Variants in CCDC141 observed in about 807,000 individuals in gnomAD.
CCDC141 encodes the protein coiled-coil domain-containing protein 141.
A neutral mutation model predicts 181.0 loss-of-function variants in CCDC141; 168 were observed. The ratio of observed to expected loss-of-function variants is 0.93; its 90% CI spans 0.82 to 1.05. The LOEUF (loss-of-function observed/expected upper bound fraction) is 1.05, where lower values mean the gene tolerates loss of function less well. CCDC141 is among the 50% of genes least tolerant of loss of function. The pLI, the probability that CCDC141 is intolerant of heterozygous loss-of-function variation, is 0.00. For synonymous variants in CCDC141, 666 were observed against 642.3 expected (o/e 1.04, Z -0.56); for missense variants, 1,902 against 1,788.5 (o/e 1.06, Z -1.14).
chr2:178,963,455 A>G lies in CCDC141; in HGVS notation c.527-1972T>C, dbSNP rs369290775. ...TCAGGTTGGGGGAACTATGGAGAACACTCAGAGACTAAGCATCTTACCAAG... is the reference window on the plus strand; with the variant it reads ...TCAGGTTGGGGGAACTATGGAGAACGCTCAGAGACTAAGCATCTTACCAAG... On this transcript the variant is annotated intron_variant, in intron 4 of 23. Coordinates refer to ENST00000443758, the MANE Select transcript of CCDC141 (RefSeq NM_173648.4). 1.1e-3 allele frequency among the ~76,000 whole-genome samples: 164 copies of G among 152,260 alleles called. 1 individual carries two copies. The highest frequency in any genetic ancestry group is 3.8e-3 in the African/African-American group (156 of 41,558).
intron 2 of CCDC141, among the ~76,000 whole-genome samples, chr2:179,010,846 C>T (rs1298071563): frequency 1.3e-5 from 2 of 152,070 alleles, no homozygotes; most frequent in Non-Finnish European, 2.9e-5. Flanking sequence ...AATGTAAATG[C>T]CTAAATGCTC....
intron 21 of CCDC141, among the ~76,000 whole-genome samples, chr2:178,849,743 A>T (rs1685086291): frequency 6.6e-6 from 1 of 152,222 alleles, no homozygotes; most frequent in Non-Finnish European, 1.5e-5. Flanking sequence ...GCTACTTAAT[A>T]CAAAGTTTAC....
chr2:178,916,116 G>A (rs1688435992), intron 7 of CCDC141, among the ~76,000 whole-genome samples: 1 of 152,132 alleles, frequency 6.6e-6, no homozygotes, highest in African/African-American at 2.4e-5. Flanking sequence ...CAGTTCTTGA[G>A]AGCATGACTT....
At chr2:179,041,414 G>C (rs1338635583) in intron 2 of CCDC141, among the ~76,000 whole-genome samples, 2 of 142,592 alleles carry the variant, frequency 1.4e-5, no homozygotes, top group Admixed American at 1.4e-4. Context: ...TTTAATGTTT[G>C]TTGGCTGCAT....
intron 2 of CCDC141, among the ~76,000 whole-genome samples, chr2:179,043,031 A>C (rs186966179): frequency 6.6e-6 from 1 of 152,324 alleles, no homozygotes; most frequent in Non-Finnish European, 1.5e-5. Context: ...TTGAAATGAT[A>C]AGGGGGATAG....
rs2154390933 is a variant in CCDC141, at chr2:179,047,389, T to C, written c.120A>G (p.Gln40=). 6.6e-7 allele frequency: 1 copy of C among 1,519,352 alleles called. No homozygotes were observed. The highest frequency in any genetic ancestry group is 8.8e-7 in the Non-Finnish European group (1 of 1,136,872). 94.1% of individuals were successfully genotyped at this position (1,519,352 alleles called of 1,614,324 possible). The part of the protein sequence containing the change: ...IAVIKCGKWV[Q]LQLAESQPNL... ...TGGGCTGTGATTCAGCCAGTTGAAG[T>C]TGTACCCATTTGCCACACTAAAAAT... Residue 40 remains glutamine, a synonymous_variant, in exon 2 of 24, where the codon CAA becomes CAG. Coordinates refer to ENST00000443758, the MANE Select transcript of CCDC141 (RefSeq NM_173648.4).
intron 17 of CCDC141, among the ~76,000 whole-genome samples, chr2:178,857,414 C>G (rs1019620568): frequency 2.0e-5 from 3 of 152,080 alleles, no homozygotes; most frequent in Admixed American, 2.0e-4. Flanking sequence ...CTTCAGAGAT[C>G]CTTCAAAAAC....
chr2:178,893,270 G>T (rs532636720), intron 8 of CCDC141, among the ~76,000 whole-genome samples: 7 of 150,490 alleles, frequency 4.7e-5, no homozygotes, highest in East Asian at 2.0e-4. Flanking sequence ...TCTGGTTCAA[G>T]AATAGACTGC....
rs961095293 is a variant in CCDC141, at chr2:178,986,633, A to G, written c.226-7958T>C. Among the ~76,000 whole-genome samples the G allele has an allele frequency of 5.1e-4, 78 of 151,918 alleles. 2 individuals are homozygous for G. The highest frequency in any genetic ancestry group is 5.9e-4 in the Admixed American group (9 of 15,268). ...CTTCAGCAAAGTCTCAGGATACAAA[A>G]TCAATGTGCAAAAATCACAAGCATT... is the stretch of plus-strand genomic sequence containing the variant. On this transcript the variant is annotated intron_variant, in intron 2 of 23. Coordinates refer to ENST00000443758, the MANE Select transcript of CCDC141 (RefSeq NM_173648.4).
intron 2 of CCDC141, chr2:179,002,566 A>G: frequency 3.1e-6 from 1 of 318,790 alleles, no homozygotes; most frequent in South Asian, 2.9e-5. Flanking sequence ...TAGGACCAAC[A>G]CACCCAAGAT....
intron 2 of CCDC141, among the ~76,000 whole-genome samples, chr2:178,993,568 C>G (rs933174082): frequency 6.6e-6 from 1 of 152,284 alleles, no homozygotes; most frequent in East Asian, 1.9e-4. Context: ...TGGGTGGGGA[C>G]ACATCCAAAC....
chr2:178,818,092 C>T, the CCDC141 span, among the ~76,000 whole-genome samples: 23 of 152,218 alleles, frequency 1.5e-4, no homozygotes, highest in Middle Eastern at 6.8e-3. Context: ...CGTGAGCCAC[C>T]GCACCTGGCC....
At chr2:178,853,995 T>G (rs1685277014) in intron 19 of CCDC141, among the ~76,000 whole-genome samples, 1 of 152,286 alleles carries the variant, frequency 6.6e-6, no homozygotes, top group East Asian at 1.9e-4. Flanking sequence ...TCCAAATACA[T>G]GCTAAATGGC....
chr2:178,891,072 C>T (rs746161238), intron 8 of CCDC141, among the ~76,000 whole-genome samples: 1 of 152,098 alleles, frequency 6.6e-6, no homozygotes, highest in African/African-American at 2.4e-5. Context: ...TTTCAAGTCT[C>T]TTTGCTACCT....
intron 12 of CCDC141, chr2:178,877,602 T>C: frequency 3.5e-6 from 1 of 282,686 alleles, no homozygotes. Context: ...AGAAGATTCA[T>C]CTTAGAAGTT....
In CCDC141 at chr2:178,944,618, A is replaced by C. The variant is rs758023806; in HGVS notation, c.814T>G (p.Leu272Val). The C allele has an allele frequency of 2.0e-6, 3 of 1,528,194 alleles. No individual in the cohort carries two copies. Among genetic ancestry groups the C allele is most frequent in the Non-Finnish European group, 1.8e-6 (2 of 1,137,024 alleles). The allele number at this position is 1,528,194 out of a possible 1,614,324, so 94.7% of individuals were successfully genotyped here. The change falls in exon 6 of 24, where the codon TTA (leucine) becomes GTA (valine). Residue 272 changes from leucine (L) to valine (V), a missense_variant. Leu to Val is a conservative substitution (Grantham distance 32). Coordinates refer to ENST00000443758, the MANE Select transcript of CCDC141 (RefSeq NM_173648.4). Reference protein sequence around the residue: ...TCWFQKTIRNLQEQSLGSSLS... With the variant: ...TCWFQKTIRNVQEQSLGSSLS... ...GATGAACCTAGACTTTGTTCCTGTA[A>C]ATTTCTTATAGTTTTCTGAAACCAA...
chr2:179,038,540 A>C, intron 2 of CCDC141, among the ~76,000 whole-genome samples: 1 of 152,334 alleles, frequency 6.6e-6, no homozygotes, highest in East Asian at 1.9e-4. Context: ...ACCATAATAA[A>C]AATATTTTCT....
intron 6 of CCDC141, among the ~76,000 whole-genome samples, chr2:178,942,177 A>G (rs1689551581): frequency 6.6e-6 from 1 of 151,804 alleles, no homozygotes; most frequent in African/African-American, 2.4e-5. Flanking sequence ...CTTGTCTGGA[A>G]CCTCCCAGGC....
intron 7 of CCDC141, among the ~76,000 whole-genome samples, chr2:178,913,500 T>C (rs941381482): frequency 6.6e-6 from 1 of 152,104 alleles, no homozygotes; most frequent in African/African-American, 2.4e-5. Context: ...ATTTTGAAAA[T>C]GTTAATATCC....
Sources: gnomAD v4.1 joint callset for allele counts (sites outside exome capture counted in the v4.1 genomes callset) on GRCh38, gnomAD v4.1.1 for gene constraint, MANE v1.5 for transcripts, NCBI Gene and HGNC (gene_info 2026-07-23, HGNC 2026-07-21) for gene names.